Variants in BST1 observed in about 807,000 individuals in gnomAD.
BST1 encodes the protein ADP-ribosyl cyclase/cyclic ADP-ribose hydrolase 2.
Under a neutral mutation model 40.6 loss-of-function variants are expected in BST1, and 49 were observed. The ratio of observed to expected loss-of-function variants is 1.21; its 90% CI spans 0.96 to 1.53. BST1 has a LOEUF of 1.53. Among genes scored for constraint, BST1 ranks in the 40% most tolerant of loss-of-function variants. BST1 has a pLI of 0.00. For synonymous variants in BST1, 157 were observed against 159.3 expected (o/e 0.99, Z 0.11); for missense variants, 423 against 395.9 (o/e 1.07, Z -0.58).
At chr4:15,737,548 TCCA>T (rs1721613997), downstream of BST1, among the ~76,000 whole-genome samples, 3 of 152,234 alleles carry the variant, frequency 2.0e-5, no homozygotes, top group African/African-American at 7.2e-5. Context: ...CAGCACCAGC[TCCA>T]TGCCTGGCAC....
intron 4 of BST1, among the ~76,000 whole-genome samples, chr4:15,714,207 C>T (rs1263548952): frequency 6.6e-6 from 1 of 152,160 alleles, no homozygotes; most frequent in Non-Finnish European, 1.5e-5. Context: ...CAATCTATGA[C>T]ATGGAGTGTA....
At chr4:15,705,407 A>G in intron 1 of BST1, 108 bp from the exon 2 acceptor site, 1 of 1,269,264 alleles carries the variant, frequency 7.9e-7, no homozygotes, top group South Asian at 1.5e-5. Context: ...CTACTTCTGC[A>G]GTTACTATAT....
chr4:15,768,017 G>A, the BST1 span, among the ~76,000 whole-genome samples: 5 of 152,124 alleles, frequency 3.3e-5, no homozygotes, highest in Non-Finnish European at 7.4e-5. Flanking sequence ...TTTGTGGTAT[G>A]GAAAAACAAA....
intron 8 of BST1, 32 bp from the exon 9 acceptor site, chr4:15,731,708 G>C: frequency 1.3e-6 from 2 of 1,594,290 alleles, no homozygotes; most frequent in Non-Finnish European, 1.7e-6. Flanking sequence ...CACCAATACT[G>C]ACACTTTCTC....
At chr4:15,715,612 C>A in intron 5 of BST1, 95 bp from the exon 6 acceptor site, 1 of 967,876 alleles carries the variant, frequency 1.0e-6, no homozygotes, top group Non-Finnish European at 1.5e-6. Flanking sequence ...CTTCTAAAAG[C>A]TCTTTATTTT....
downstream of BST1, among the ~76,000 whole-genome samples, chr4:15,733,765 AC>A (rs1457708303): frequency 2.0e-5 from 3 of 152,150 alleles, no homozygotes; most frequent in East Asian, 5.8e-4. Flanking sequence ...ATGGTGCTAA[AC>A]CATCCGAAAC....
the BST1 span, among the ~76,000 whole-genome samples, chr4:15,764,864 A>G: frequency 9.7e-6 from 1 of 103,256 alleles, no homozygotes; most frequent in East Asian, 2.7e-4. Flanking sequence ...AGTGACTAGA[A>G]TTAGGTGAGG....
intron 8 of BST1, 54 bp downstream of exon 8, chr4:15,722,988 C>G (rs1720898774): frequency 6.7e-7 from 1 of 1,494,002 alleles, no homozygotes; most frequent in Non-Finnish European, 9.3e-7. Flanking sequence ...CATCTCCTTT[C>G]AGAAGTTTTC....
At position 15,732,082 on chromosome 4, in the gene BST1, A is replaced by AT; in HGVS notation, c.*240dup. The AT allele has an allele frequency of 2.5e-6, 3 of 1,219,938 alleles. No homozygotes were observed. The highest frequency in any genetic ancestry group is 3.1e-6 in the Non-Finnish European group (3 of 978,342). The allele number at this position is 1,219,938 out of a possible 1,614,324, so 75.6% of individuals were successfully genotyped here. On this transcript the variant is annotated 3_prime_UTR_variant, in exon 9 of 9. Transcript: ENST00000265016. ...TAGAATTAAAGCAAGTTATTTTCTT[A>AT]TTTGTATAATGACACAAAGCATTGG...
At chr4:15,754,567 A>G in the BST1 span, among the ~76,000 whole-genome samples, 1 of 152,178 alleles carries the variant, frequency 6.6e-6, no homozygotes, top group Admixed American at 6.5e-5. Context: ...TGAGATAAAG[A>G]ATCAACGTCA....
At chr4:15,738,738 A>G (rs572673337), downstream of BST1, among the ~76,000 whole-genome samples, 1 of 152,214 alleles carries the variant, frequency 6.6e-6, no homozygotes. Flanking sequence ...CTGGTAAGCT[A>G]ACACAACAAT....
chr4:15,769,761 T>C, the BST1 span, among the ~76,000 whole-genome samples: 1 of 152,196 alleles, frequency 6.6e-6, no homozygotes, highest in African/African-American at 2.4e-5. Flanking sequence ...AAAGGCAAGA[T>C]ACTACCAAAA....
At chr4:15,768,555 G>T in the BST1 span, among the ~76,000 whole-genome samples, 1 of 146,300 alleles carries the variant, frequency 6.8e-6, no homozygotes, top group African/African-American at 2.5e-5. Context: ...CTGCAGTGGC[G>T]CAATCTCGGC....
intron 7 of BST1, among the ~76,000 whole-genome samples, chr4:15,722,284 G>T (rs1298378088): frequency 6.6e-6 from 1 of 152,200 alleles, no homozygotes. Context: ...ATTGTGGTCA[G>T]CTTTCTCAAT....
At chr4:15,749,708 T>C in the BST1 span, among the ~76,000 whole-genome samples, 3 of 152,138 alleles carry the variant, frequency 2.0e-5, no homozygotes, top group Non-Finnish European at 2.9e-5. Flanking sequence ...TTTTGTGGGC[T>C]CATAGTAGCA....
chr4:15,717,372 T>C (rs1720572706), intron 6 of BST1, among the ~76,000 whole-genome samples: 1 of 152,230 alleles, frequency 6.6e-6, no homozygotes, highest in African/African-American at 2.4e-5. Flanking sequence ...TCCCATTTCA[T>C]GTAAACTCAG....
chr4:15,714,983 C>T (rs1464687047), intron 4 of BST1, among the ~76,000 whole-genome samples: 2 of 152,172 alleles, frequency 1.3e-5, no homozygotes, highest in African/African-American at 2.4e-5. Flanking sequence ...ACTGCAGTTT[C>T]GAGGTTCTTT....
intron 2 of BST1, among the ~76,000 whole-genome samples, 192 bp from the exon 3 acceptor site, chr4:15,707,319 A>G (rs1468588395): frequency 6.6e-6 from 1 of 152,200 alleles, no homozygotes; most frequent in Non-Finnish European, 1.5e-5. Context: ...ATACCCTGGG[A>G]ATAAAGGGAG....
the BST1 span, among the ~76,000 whole-genome samples, chr4:15,772,007 GTCTC>G: frequency 7.9e-4 from 117 of 148,730 alleles, 1 homozygote; most frequent in African/African-American, 2.3e-3. Context: ...AACAATGAAG[GTCTC>G]TCTCTCTCTC....
Sources: allele counts gnomAD v4.1 joint callset (sites outside exome capture counted in the v4.1 genomes callset), GRCh38; gene constraint gnomAD v4.1.1; transcripts MANE v1.5; gene names NCBI Gene and HGNC (gene_info 2026-07-23, HGNC 2026-07-21).